The following TMPRSS15 variants were observed in gnomAD, a reference collection of about 807,000 sequenced individuals.
TMPRSS15 encodes enteropeptidase.
In TMPRSS15, 128 loss-of-function variants were observed where a neutral mutation model predicts 125.3. The observed-to-expected ratio is 1.02, with a 90% CI of 0.89 to 1.18. TMPRSS15 has a LOEUF of 1.18. TMPRSS15 is among the 50% of genes most tolerant of loss of function. The pLI is 0.00. For synonymous variants in TMPRSS15, 446 were observed against 423.2 expected (o/e 1.05, Z -0.66); for missense variants, 1,283 against 1,212.7 (o/e 1.06, Z -0.86).
chr21:18,290,000 A>G (rs1442237079), intron 21 of TMPRSS15, among the ~76,000 whole-genome samples: 2 of 152,266 alleles, frequency 1.3e-5, no homozygotes, highest in Non-Finnish European at 2.9e-5. Context: ...GAAAACAAAT[A>G]TGAAACCTTG....
intron 18 of TMPRSS15, among the ~76,000 whole-genome samples, chr21:18,305,258 G>C (rs917479431): frequency 7.5e-6 from 1 of 133,570 alleles, no homozygotes; most frequent in African/African-American, 2.8e-5. Flanking sequence ...GCGCGATCTC[G>C]GCTCACTGCA....
chr21:18,437,237 T>G (rs1189368359), intron 1 of TMPRSS15, among the ~76,000 whole-genome samples: 1 of 151,548 alleles, frequency 6.6e-6, no homozygotes, highest in East Asian at 1.9e-4. Context: ...GGATTCCCTA[T>G]TTAATAAATG....
chr21:18,440,386 A>AAAAAAAAAAG (rs557806642), intron 1 of TMPRSS15, among the ~76,000 whole-genome samples: 1 of 133,530 alleles, frequency 7.5e-6, no homozygotes, highest in African/African-American at 2.6e-5. Flanking sequence ...AAAAAAAAAA[A>AAAAAAAAAAG]AAAGAAAACT....
At chr21:18,423,953 A>G (rs2076197571) in intron 1 of TMPRSS15, among the ~76,000 whole-genome samples, 1 of 152,190 alleles carries the variant, frequency 6.6e-6, no homozygotes, top group Non-Finnish European at 1.5e-5. Context: ...TGAAAAATTA[A>G]CTGAAGTATG....
chr21:18,383,723 C>T lies in TMPRSS15; in HGVS notation c.400G>A (p.Glu134Lys), dbSNP rs2824790. Reference protein sequence around the residue: ...DLFFAQWVSDENVKEELIQGL... With the variant: ...DLFFAQWVSDKNVKEELIQGL... Reference sequence around the variant, plus strand: ...TGAATCAGTTCTTCTTTTACATTTTCATCTGACACCCACTGGGCAAAGAAA... The same window carrying T: ...TGAATCAGTTCTTCTTTTACATTTTTATCTGACACCCACTGGGCAAAGAAA... The change falls in exon 4 of 25, where the codon GAA becomes AAA. Residue 134 changes from glutamate (E) to lysine (K), a missense_variant. Coordinates refer to ENST00000284885, the MANE Select transcript of TMPRSS15 (RefSeq NM_002772.3). 1 of 1,613,448 alleles carries T rather than the reference C, an allele frequency of 6.2e-7. No individual in the cohort carries two copies. The highest frequency in any genetic ancestry group is 8.5e-7 in the Non-Finnish European group (1 of 1,179,694).
chr21:18,464,050 G>A (rs905849400), intron 1 of TMPRSS15, among the ~76,000 whole-genome samples: 4 of 151,492 alleles, frequency 2.6e-5, no homozygotes, highest in Non-Finnish European at 4.4e-5. Context: ...GTGGGCGCCT[G>A]TAGTCCCAGC....
At chr21:18,391,010 C>T (rs1357265216) in intron 3 of TMPRSS15, among the ~76,000 whole-genome samples, 1 of 152,120 alleles carries the variant, frequency 6.6e-6, no homozygotes, top group Admixed American at 6.5e-5. Context: ...CATAAGAACT[C>T]ACACACTGTC....
intron 1 of TMPRSS15, among the ~76,000 whole-genome samples, chr21:18,430,933 C>T (rs893968945): frequency 1.3e-5 from 2 of 152,284 alleles, no homozygotes; most frequent in Non-Finnish European, 2.9e-5. Context: ...GCTTTTGTGA[C>T]ATTTTCCAGG....
intron 1 of TMPRSS15, among the ~76,000 whole-genome samples, chr21:18,424,398 T>C (rs539505975): frequency 2.6e-5 from 4 of 152,334 alleles, no homozygotes; most frequent in African/African-American, 9.6e-5. Context: ...CAATTCCTTT[T>C]TGCAACACTC....
At chr21:18,294,544 C>T in intron 20 of TMPRSS15, 59 bp downstream of exon 20, 1 of 1,596,262 alleles carries the variant, frequency 6.3e-7, no homozygotes, top group Non-Finnish European at 8.6e-7. Context: ...TGACATAAAA[C>T]TCTATTCAGA....
At position 18,353,720 on chromosome 21, in the gene TMPRSS15, T is replaced by TA; in HGVS notation, c.1021+2dup. ...AAAAAGCCAAAAAATAAATAATACT[T>TA]ACTATTAAGCTCACTGCTGTTAAAT... is the stretch of plus-strand genomic sequence containing the variant. On this transcript the variant is annotated splice_region_variant and intron_variant, in intron 9 of 24. Coordinates refer to ENST00000284885, the MANE Select transcript of TMPRSS15 (RefSeq NM_002772.3). 1.2e-6 allele frequency: 2 copies of TA among 1,608,284 alleles called. No homozygotes were observed. The highest frequency in any genetic ancestry group is 1.7e-6 in the Non-Finnish European group (2 of 1,177,002).
chr21:18,331,047 T>TGTCGCTC (rs2146968220), intron 14 of TMPRSS15, among the ~76,000 whole-genome samples: 1 of 125,574 alleles, frequency 8.0e-6, no homozygotes, highest in East Asian at 2.4e-4. Context: ...CACTCCAGCC[T>TGTCGCTC]GGGCGACAGA....
chr21:18,380,167 TCA>T (rs34787707), intron 4 of TMPRSS15, among the ~76,000 whole-genome samples: 10,994 of 139,376 alleles, frequency 0.079, 757 homozygotes, highest in African/African-American at 0.2. Flanking sequence ...TATGGAGATG[TCA>T]CACACACACA....
At chr21:18,380,460 A>G (rs943882937) in intron 4 of TMPRSS15, 3 of 436,802 alleles carry the variant, frequency 6.9e-6, no homozygotes, top group Non-Finnish European at 1.5e-5. Flanking sequence ...AATAGCTGCA[A>G]GAAAAAAATG....
chr21:18,372,441 T>A, intron 5 of TMPRSS15, 117 bp from the exon 6 acceptor site: 1 of 841,642 alleles, frequency 1.2e-6, no homozygotes, highest in Non-Finnish European at 1.9e-6. Flanking sequence ...TCAACTGCCA[T>A]AGGAATATTT....
At chr21:18,391,795 C>G (rs2075993067) in intron 3 of TMPRSS15, among the ~76,000 whole-genome samples, 1 of 152,234 alleles carries the variant, frequency 6.6e-6, no homozygotes, top group Non-Finnish European at 1.5e-5. Flanking sequence ...GAGAGTTCTG[C>G]CCCTGCAGCA....
At chr21:18,429,501 A>G (rs879294744) in intron 1 of TMPRSS15, among the ~76,000 whole-genome samples, 2 of 152,182 alleles carry the variant, frequency 1.3e-5, no homozygotes, top group Non-Finnish European at 2.9e-5. Context: ...GATAATTTGA[A>G]TCAAGAAGGC....
In TMPRSS15 at chr21:18,346,697, C is replaced by T. The variant is rs191967173; in HGVS notation, c.1172-2637G>A. ...AGGGAGCAGAGTAGAAACATCCCAA[C>T]GCATGGAACTATTACTGAAGACAGA... On this transcript the variant is annotated intron_variant, in intron 10 of 24. Transcript: ENST00000284885. Among the ~76,000 whole-genome samples the T allele has an allele frequency of 1.2e-4, 18 of 152,280 alleles. No individual in the cohort carries two copies. The East Asian group carries it at 2.7e-3, about 23-fold the overall frequency.
intron 1 of TMPRSS15, among the ~76,000 whole-genome samples, chr21:18,424,949 G>A (rs2076199574): frequency 6.7e-6 from 1 of 148,718 alleles, no homozygotes; most frequent in African/African-American, 2.5e-5. Context: ...TCATACATGT[G>A]TGAATTCATA....
Sources: gnomAD v4.1 joint callset for allele counts (sites outside exome capture counted in the v4.1 genomes callset) on GRCh38, gnomAD v4.1.1 for gene constraint, MANE v1.5 for transcripts, NCBI Gene and HGNC (gene_info 2026-07-23, HGNC 2026-07-21) for gene names.